The following STK10 variants were observed in gnomAD, a reference collection of about 807,000 sequenced individuals.
STK10 encodes the protein serine/threonine-protein kinase 10.
Under a neutral mutation model 113.8 loss-of-function variants are expected in STK10, and 78 were observed. The ratio of observed to expected loss-of-function variants is 0.69; its 90% CI spans 0.57 to 0.83. STK10 has a LOEUF of 0.83. Ranked by LOEUF, STK10 falls within the 40% of genes least tolerant of loss-of-function variation. The probability of loss-of-function intolerance (pLI) is 0.00; values close to 1 mark genes in which losing one functional copy is unlikely to be tolerated. For missense variants in STK10, 1,109 were observed against 1,280.1 expected (o/e 0.87, Z 2.04); for synonymous variants, 465 against 494.7 (o/e 0.94, Z 0.80).
At chr5:172,153,541 C>A (rs114523269) in intron 2 of STK10, among the ~76,000 whole-genome samples, 12 of 152,342 alleles carry the variant, frequency 7.9e-5, no homozygotes, top group South Asian at 4.1e-4. Flanking sequence ...CCACCCCACT[C>A]GGGGGAAAGT....
intron 1 of STK10, among the ~76,000 whole-genome samples, chr5:172,157,775 G>C (rs1770382063): frequency 6.6e-6 from 1 of 151,972 alleles, no homozygotes; most frequent in Non-Finnish European, 1.5e-5. Context: ...GTTTTTAGTA[G>C]AGACAGGGTT....
chr5:172,106,850 C>T, intron 5 of STK10, 36 bp from the exon 6 acceptor site: 2 of 1,581,000 alleles, frequency 1.3e-6, no homozygotes, highest in South Asian at 2.3e-5. Flanking sequence ...GGCTAAGAAT[C>T]TGGCCTTTAC....
At chr5:172,152,934 G>T (rs7723759) in intron 2 of STK10, among the ~76,000 whole-genome samples, 85,575 of 152,138 alleles carry the variant, frequency 0.56, 26,293 homozygotes, top group African/African-American at 0.84. Context: ...ATTATATTAT[G>T]GAAACTAATT....
In STK10 at chr5:172,082,556, G is replaced by T; in HGVS notation, c.1810-51C>A. The T allele has an allele frequency of 6.6e-7, 1 of 1,524,496 alleles. No individual in the cohort carries two copies. Among genetic ancestry groups the T allele is most frequent in the South Asian group, 1.3e-5 (1 of 76,106 alleles). The allele number at this position is 1,524,496 out of a possible 1,614,324, so 94.4% of individuals were successfully genotyped here. On this transcript the variant is annotated intron_variant, in intron 11 of 18. Coordinates refer to ENST00000176763, the MANE Select transcript of STK10 (RefSeq NM_005990.4). This position sits in a 1 kb window ranked among gnomAD's most constrained non-coding sequence, Gnocchi z 4.3. ...ACTTAGCGAAGTCACTTTATACCTG[G>T]GAGGGACATGGGAAGTGGAATGGGG...
Position 172,113,913 on chromosome 5 carries a change from CA to C in STK10, c.520+3567del, listed in dbSNP as rs11382952. Among the ~76,000 whole-genome samples, 864 of 121,994 alleles carry C rather than the reference CA, an allele frequency of 7.1e-3. 6 individuals carry two copies. Among genetic ancestry groups the C allele is most frequent in the African/African-American group, 0.011 (362 of 33,846 alleles). 80.0% of individuals were successfully genotyped at this position (121,994 alleles called of 152,430 possible). A position where few individuals can be genotyped will look rare whatever the true frequency, so the allele number is the denominator to read the frequency against. ...GGGCAACAAAAGCAAAACTCCATCT[CA>C]AAAAAAAAAAAAAGAAAAACTAATA... On this transcript the variant is annotated intron_variant, in intron 4 of 18. Transcript: ENST00000176763.
At chr5:172,162,305 T>G (rs1461185443) in intron 1 of STK10, among the ~76,000 whole-genome samples, 1 of 151,808 alleles carries the variant, frequency 6.6e-6, no homozygotes, top group African/African-American at 2.4e-5. Flanking sequence ...GCCACTGCAC[T>G]CCAGCCTGGA....
intron 1 of STK10, among the ~76,000 whole-genome samples, chr5:172,170,267 C>T (rs1049017856): frequency 6.6e-6 from 1 of 152,034 alleles, no homozygotes; most frequent in Non-Finnish European, 1.5e-5. Context: ...CGACTTTCTC[C>T]ATAACATATT....
At chr5:172,132,384 A>G (rs1034895944) in intron 2 of STK10, among the ~76,000 whole-genome samples, 2 of 151,776 alleles carry the variant, frequency 1.3e-5, no homozygotes, top group African/African-American at 2.4e-5. Context: ...TTTTTTTTTA[A>G]TGGAAAGAAC....
chr5:172,112,794 T>C (rs1484311447), intron 4 of STK10, among the ~76,000 whole-genome samples: 1 of 151,714 alleles, frequency 6.6e-6, no homozygotes, highest in East Asian at 1.9e-4. Flanking sequence ...TTGCCCAGGC[T>C]GGAGTGCAAT....
At chr5:172,109,967 G>A (rs919142866) in intron 4 of STK10, among the ~76,000 whole-genome samples, 2 of 152,242 alleles carry the variant, frequency 1.3e-5, no homozygotes, top group Middle Eastern at 3.2e-3. Flanking sequence ...GACTTGCAAC[G>A]TGAAACAAGG....
At chr5:172,075,674 C>A (rs951913938) in intron 12 of STK10, among the ~76,000 whole-genome samples, 4 of 152,168 alleles carry the variant, frequency 2.6e-5, no homozygotes, top group African/African-American at 7.2e-5. Context: ...GAGCGAAACT[C>A]CATCTCAAGA....
At chr5:172,127,534 T>A in intron 2 of STK10, 113 bp from the exon 3 acceptor site, 1 of 1,095,684 alleles carries the variant, frequency 9.1e-7, no homozygotes. Flanking sequence ...TGGGTGCCCC[T>A]GCTCTCCAGC....
intron 2 of STK10, among the ~76,000 whole-genome samples, chr5:172,134,330 G>T (rs1256147484): frequency 6.6e-6 from 1 of 152,190 alleles, no homozygotes; most frequent in African/African-American, 2.4e-5. Context: ...TTTACCAAGA[G>T]ATGGTTTGAG....
At chr5:172,099,351 C>A (rs1394978612) in intron 7 of STK10, among the ~76,000 whole-genome samples, 2 of 152,070 alleles carry the variant, frequency 1.3e-5, no homozygotes, top group Admixed American at 6.6e-5. Context: ...ATCAGCCTGG[C>A]CAACATGGTG....
intron 2 of STK10, among the ~76,000 whole-genome samples, chr5:172,153,512 G>A (rs988839028): frequency 2.0e-5 from 3 of 152,158 alleles, no homozygotes; most frequent in African/African-American, 2.4e-5. Flanking sequence ...TGCACATGGG[G>A]TGGTGTGGTG....
At chr5:172,096,282 G>T in intron 8 of STK10, 144 bp downstream of exon 8, 1 of 1,320,146 alleles carries the variant, frequency 7.6e-7, no homozygotes, top group Non-Finnish European at 1.0e-6. Flanking sequence ...TACGTTACCT[G>T]CAGCGTGGGA....
At chr5:172,086,794 G>A (rs1215027592) in intron 10 of STK10, among the ~76,000 whole-genome samples, 2 of 152,166 alleles carry the variant, frequency 1.3e-5, no homozygotes, top group African/African-American at 4.8e-5. Flanking sequence ...AGAAAATCCC[G>A]GTTCCTGCCG....
chr5:172,162,981 A>G (rs1389329411), intron 1 of STK10, among the ~76,000 whole-genome samples: 2 of 152,238 alleles, frequency 1.3e-5, no homozygotes, highest in African/African-American at 4.8e-5. Context: ...CACCTCACTC[A>G]GATTCCATGG....
At chr5:172,102,256 T>A (rs998511480) in intron 7 of STK10, among the ~76,000 whole-genome samples, 3 of 152,050 alleles carry the variant, frequency 2.0e-5, no homozygotes, top group African/African-American at 7.2e-5. Context: ...GACAACGGGA[T>A]TTCCTGATAG....
Sources: allele counts gnomAD v4.1 joint callset (sites outside exome capture counted in the v4.1 genomes callset), GRCh38; gene constraint gnomAD v4.1.1; non-coding constraint Gnocchi (gnomAD v3.1); transcripts MANE v1.5; gene names NCBI Gene and HGNC (gene_info 2026-07-23, HGNC 2026-07-21).